CDH18: variants seen among roughly 807,000 people sequenced by gnomAD.
CDH18 encodes cadherin-18.
In CDH18, 31 loss-of-function variants were observed where a neutral mutation model predicts 67.9. The observed-to-expected ratio is 0.46, with a 90% confidence interval of 0.34 to 0.62. CDH18 has a LOEUF of 0.62. Among genes scored for constraint, CDH18 ranks in the 20% least tolerant of loss-of-function variants. The probability of loss-of-function intolerance (pLI) is 0.01; values close to 1 mark genes in which losing one functional copy is unlikely to be tolerated. For synonymous variants in CDH18, 362 were observed against 347.2 expected (o/e 1.04, Z -0.48); for missense variants, 890 against 975.5 (o/e 0.91, Z 1.17).
chr5:19,958,379 C>CAAAAAAAAAAAAAAAAAAAAA (rs57913629), intron 2 of CDH18, among the ~76,000 whole-genome samples: 1 of 66,632 alleles, frequency 1.5e-5, no homozygotes, highest in Non-Finnish European at 2.9e-5. Context: ...TTTCCTTCAC[C>CAAAAAAAAAAAAAAAAAAAAA]AAAAAAAAAA....
At chr5:20,374,086 A>G (rs958894440) in intron 1 of CDH18, among the ~76,000 whole-genome samples, 6 of 152,170 alleles carry the variant, frequency 3.9e-5, no homozygotes, top group African/African-American at 1.4e-4. Flanking sequence ...CCTGGGCCAA[A>G]TGGTGTGCAC....
At position 20,059,245 on chromosome 5, in the gene CDH18, G is replaced by A. The variant is rs180817187; in HGVS notation, c.-517-67231C>T. ...TTTCTTCTTTATTAGTCTGGCTAGC[G>A]GTGTGTCTATTTTGTTAATCTTTTT... On this transcript the variant is annotated intron_variant, in intron 2 of 14. Transcript: ENST00000507958. 3.1e-3 allele frequency among the ~76,000 whole-genome samples: 472 copies of A among 151,936 alleles called. 1 individual carries two copies. The highest frequency in any genetic ancestry group is 5.3e-3 in the Non-Finnish European group (360 of 67,948).
chr5:20,240,722 G>T (rs2126543961), intron 2 of CDH18, among the ~76,000 whole-genome samples: 1 of 152,118 alleles, frequency 6.6e-6, no homozygotes, highest in East Asian at 1.9e-4. Context: ...TTCTTACATA[G>T]CTAGACGCTC....
At chr5:20,077,021 T>C (rs1417754412) in intron 2 of CDH18, among the ~76,000 whole-genome samples, 1 of 152,210 alleles carries the variant, frequency 6.6e-6, no homozygotes, top group African/African-American at 2.4e-5. Context: ...GGTTGAATTG[T>C]GTTGTCTTTA....
chr5:19,970,633 C>T (rs1797931857), intron 2 of CDH18, among the ~76,000 whole-genome samples: 1 of 151,656 alleles, frequency 6.6e-6, no homozygotes, highest in South Asian at 2.1e-4. Flanking sequence ...CTATAAAAAA[C>T]CTAAATGAAG....
intron 2 of CDH18, among the ~76,000 whole-genome samples, chr5:20,152,531 T>G (rs1751206951): frequency 6.6e-6 from 1 of 151,952 alleles, no homozygotes; most frequent in Admixed American, 6.6e-5. Flanking sequence ...TTAATCCTTA[T>G]AATCTGTTGC....
At chr5:19,729,521 T>C (rs1767313000) in intron 4 of CDH18, among the ~76,000 whole-genome samples, 1 of 152,216 alleles carries the variant, frequency 6.6e-6, no homozygotes, top group South Asian at 2.1e-4. Flanking sequence ...TTGTTTTGTG[T>C]GGTCCTTGCT....
At chr5:19,552,540 T>C (rs2127151272) in intron 8 of CDH18, among the ~76,000 whole-genome samples, 1 of 152,284 alleles carries the variant, frequency 6.6e-6, no homozygotes, top group South Asian at 2.1e-4. Flanking sequence ...CTCTTATAAT[T>C]GTGACATATA....
rs913579463 is a variant in CDH18 at position 20,143,352 on chromosome 5, T to C, written c.-518+112092A>G. On this transcript the variant is annotated intron_variant, in intron 2 of 14. Transcript: ENST00000507958. ...AAAGTGGCATATTTAGATGAGAACA[T>C]TATTTATTTATTTATTTATTTACTT... Among the ~76,000 whole-genome samples the C allele has an allele frequency of 5.9e-5, 9 of 151,824 alleles. No individual in the cohort carries two copies. In the East Asian group the frequency reaches 1.7e-3, roughly 30 times the overall value.
chr5:20,520,176 T>G, intron 1 of CDH18, among the ~76,000 whole-genome samples: 1 of 151,836 alleles, frequency 6.6e-6, no homozygotes, highest in East Asian at 1.9e-4. Context: ...TATCTGGGAC[T>G]GAACATTGTT....
intron 11 of CDH18, among the ~76,000 whole-genome samples, chr5:19,489,678 A>T (rs780980926): frequency 1.7e-4 from 26 of 152,170 alleles, no homozygotes; most frequent in Non-Finnish European, 3.2e-4. Flanking sequence ...TCTATTACCA[A>T]GATTTTTAAA....
At chr5:19,887,227 C>G (rs542966017) in intron 2 of CDH18, among the ~76,000 whole-genome samples, 1 of 150,870 alleles carries the variant, frequency 6.6e-6, no homozygotes, top group Non-Finnish European at 1.5e-5. Context: ...ATACCAAAAA[C>G]GTAACAGCGC....
chr5:20,519,688 T>C (rs538966609), intron 1 of CDH18, among the ~76,000 whole-genome samples: 23 of 149,482 alleles, frequency 1.5e-4, no homozygotes, highest in Middle Eastern at 6.8e-3. Context: ...CTTTGTGAGA[T>C]TGTTTGCGGT....
At chr5:19,846,794 T>A (rs1039184216) in intron 2 of CDH18, among the ~76,000 whole-genome samples, 20 of 152,146 alleles carry the variant, frequency 1.3e-4, no homozygotes, top group African/African-American at 4.3e-4. Flanking sequence ...CCTTTTGGAA[T>A]CTTTTGTAAG....
intron 5 of CDH18, among the ~76,000 whole-genome samples, chr5:19,628,487 G>A (rs926868985): frequency 3.3e-5 from 5 of 152,120 alleles, no homozygotes; most frequent in African/African-American, 1.2e-4. Context: ...AGTTAAAATA[G>A]AAGTGAGGAG....
chr5:20,189,300 T>C (rs1490358357), intron 2 of CDH18, among the ~76,000 whole-genome samples: 1 of 152,070 alleles, frequency 6.6e-6, no homozygotes, highest in Non-Finnish European at 1.5e-5. Context: ...AATACCTCTG[T>C]CTTTTACAGC....
At chr5:20,449,935 G>A (rs1750301316) in intron 1 of CDH18, among the ~76,000 whole-genome samples, 1 of 151,758 alleles carries the variant, frequency 6.6e-6, no homozygotes, top group African/African-American at 2.4e-5. Context: ...TGAAGTTTCA[G>A]TCTGATAATA....
At chr5:20,095,348 AAAGAAAG>A (rs1261168240) in intron 2 of CDH18, among the ~76,000 whole-genome samples, 6 of 78,184 alleles carry the variant, frequency 7.7e-5, no homozygotes, top group African/African-American at 2.6e-4. Flanking sequence ...AGAAAGAAAG[AAAGAAAG>A]AAAGAAAAGA....
chr5:19,883,029 C>T (rs569387248), intron 2 of CDH18, among the ~76,000 whole-genome samples: 3 of 152,160 alleles, frequency 2.0e-5, no homozygotes, highest in East Asian at 3.9e-4. Context: ...TGTGGTTGGG[C>T]TTTTCAAGGT....
Sources: allele counts gnomAD v4.1 joint callset (sites outside exome capture counted in the v4.1 genomes callset), GRCh38; gene constraint gnomAD v4.1.1; transcripts MANE v1.5; gene names NCBI Gene and HGNC (gene_info 2026-07-23, HGNC 2026-07-21).